Variants in MTHFD1L observed in about 807,000 individuals in gnomAD.
MTHFD1L encodes monofunctional C1-tetrahydrofolate synthase, mitochondrial.
MTHFD1L carries 81 observed loss-of-function variants against 119.5 expected under a neutral mutation model. That is an observed-to-expected ratio of 0.68 (90% CI 0.57 to 0.82). The LOEUF is 0.82. MTHFD1L is among the 40% of genes least tolerant of loss of function. MTHFD1L has a pLI of 0.00. For missense variants in MTHFD1L, 1,125 were observed against 1,253.4 expected, an observed-to-expected ratio of 0.90 and a Z score of 1.55; for synonymous variants, 430 against 475.2, an observed-to-expected ratio of 0.90 and a Z score of 1.24.
intron 20 of MTHFD1L, among the ~76,000 whole-genome samples, chr6:150,991,397 T>G (rs1249855012): frequency 6.6e-6 from 1 of 152,176 alleles, no homozygotes; most frequent in African/African-American, 2.4e-5. Flanking sequence ...TATCTCCAAT[T>G]TGTATGAGAT....
intron 7 of MTHFD1L, among the ~76,000 whole-genome samples, chr6:150,900,330 TCG>T (rs1460787760): frequency 4.6e-5 from 7 of 152,142 alleles, no homozygotes; most frequent in Non-Finnish European, 1.0e-4. Context: ...TTCCTGCCCT[TCG>T]TAGCTCCTGA....
chr6:151,075,639 C>G (rs1035668597), intron 26 of MTHFD1L, among the ~76,000 whole-genome samples: 3 of 152,176 alleles, frequency 2.0e-5, no homozygotes, highest in African/African-American at 7.2e-5. Flanking sequence ...CTTGACTCCA[C>G]CCAACAACAG....
At chr6:150,910,334 C>T (rs1475445438) in intron 8 of MTHFD1L, among the ~76,000 whole-genome samples, 1 of 151,996 alleles carries the variant, frequency 6.6e-6, no homozygotes, top group Non-Finnish European at 1.5e-5. Flanking sequence ...GAGGCTGAGG[C>T]AGGCGGATCA....
chr6:150,929,978 G>A (rs1790741566), intron 11 of MTHFD1L, among the ~76,000 whole-genome samples: 1 of 152,148 alleles, frequency 6.6e-6, no homozygotes. Flanking sequence ...TTCTATAAGG[G>A]AAGAATGAAC....
At chr6:150,985,033 C>T (rs1778071463) in intron 20 of MTHFD1L, 1 of 152,146 alleles carries the variant, frequency 6.6e-6, no homozygotes. Context: ...CAATACCTAC[C>T]TCCAGGCTTG....
At chr6:150,880,780 G>GATA (rs1781281484) in intron 4 of MTHFD1L, among the ~76,000 whole-genome samples, 1 of 152,076 alleles carries the variant, frequency 6.6e-6, no homozygotes, top group Non-Finnish European at 1.5e-5. Flanking sequence ...TGTCATTTTT[G>GATA]ATAATAGCCA....
intron 26 of MTHFD1L, among the ~76,000 whole-genome samples, chr6:151,041,337 C>A (rs1051531658): frequency 2.0e-5 from 3 of 152,180 alleles, no homozygotes; most frequent in Non-Finnish European, 4.4e-5. Context: ...ATGCCTTGAA[C>A]ATTCATCACC....
At chr6:151,019,945 C>G (rs187083959) in intron 24 of MTHFD1L, among the ~76,000 whole-genome samples, 1 of 152,270 alleles carries the variant, frequency 6.6e-6, no homozygotes, top group East Asian at 1.9e-4. Context: ...CTTTTTACCT[C>G]CCCTACAACC....
Position 150,945,527 on chromosome 6 carries a change from C to T in MTHFD1L, c.1609C>T (p.Leu537Phe). The T allele has an allele frequency of 6.2e-7, 1 of 1,613,970 alleles. No individual in the cohort carries two copies. Among genetic ancestry groups the T allele is most frequent in the Non-Finnish European group, 8.5e-7 (1 of 1,179,926 alleles). The change falls in exon 15 of 28, where the codon CTT becomes TTT. Residue 537 changes from leucine (L) to phenylalanine (F), a missense_variant. Around this residue, in one of 3 missense-constraint regions of MTHFD1L, gnomAD observed 1,058 missense variants for 1,151.2 expected, o/e 0.92. Coordinates refer to ENST00000367321, the MANE Select transcript of MTHFD1L (RefSeq NM_015440.5). ...TGTCAGAGAATTTTCAGAAATTCAG[C>T]TTGCTCGGCTAAAAGTAAGTTTCCA... is the stretch of plus-strand genomic sequence containing the variant. ...NGVREFSEIQ[L>F]ARLKKLGINK...
chr6:150,869,143 AG>A (rs1778963469), intron 1 of MTHFD1L, among the ~76,000 whole-genome samples: 2 of 152,190 alleles, frequency 1.3e-5, no homozygotes, highest in Admixed American at 1.3e-4. Flanking sequence ...ATGGCAGTAT[AG>A]GGTAACCATA....
At position 150,960,523 on chromosome 6, in the gene MTHFD1L, GAAA is replaced by G. The variant is rs946775670; in HGVS notation, c.1944+111_1944+113del. 3 of 1,405,646 alleles carry G rather than the reference GAAA, an allele frequency of 2.1e-6. No homozygotes were observed. The African/African-American group carries it at 4.4e-5, about 20-fold the overall frequency. The allele number at this position is 1,405,646 out of a possible 1,614,324, so 87.1% of individuals were successfully genotyped here. A position where few individuals can be genotyped will look rare whatever the true frequency, so the allele number is the denominator to read the frequency against. ...TATCAGTGAGTGTAATGAGGATACA[GAAA>G]AAGTTTCCACACACACATTTCTTCC... On this transcript the variant is annotated intron_variant, in intron 18 of 27. Coordinates refer to ENST00000367321, the MANE Select transcript of MTHFD1L (RefSeq NM_015440.5).
chr6:150,903,354 G>T (rs175867), intron 7 of MTHFD1L, among the ~76,000 whole-genome samples: 6,475 of 151,708 alleles, frequency 0.043, 149 homozygotes, highest in Middle Eastern at 0.082. Flanking sequence ...TCTTAGTGAG[G>T]TTTAGTGGTA....
At chr6:150,971,080 G>C (rs758487671) in intron 19 of MTHFD1L, among the ~76,000 whole-genome samples, 2 of 152,214 alleles carry the variant, frequency 1.3e-5, no homozygotes, top group Non-Finnish European at 2.9e-5. Context: ...GAGTAGAATA[G>C]TGGTTATCAG....
intron 18 of MTHFD1L, among the ~76,000 whole-genome samples, chr6:150,964,052 C>T (rs1020309821): frequency 6.6e-6 from 1 of 152,098 alleles, no homozygotes; most frequent in African/African-American, 2.4e-5. Context: ...GCCTGTAGTC[C>T]CAGCTACTGG....
Position 151,017,636 on chromosome 6 carries a change from C to T in MTHFD1L, c.2586+1943C>T, listed in dbSNP as rs369955147. On this transcript the variant is annotated intron_variant, in intron 24 of 27. Transcript: ENST00000367321. ...CTGGGATTACAGGTGTGAGCCACCG[C>T]GCCCGGCCAGAATTTCCTTTATTTT... 4.6e-5 allele frequency among the ~76,000 whole-genome samples: 7 copies of T among 152,208 alleles called. No homozygotes were observed. The East Asian group carries it at 5.8e-4, about 13-fold the overall frequency.
rs1205398128 is a variant in MTHFD1L, at chr6:151,009,940, G to A, written c.2247G>A (p.Met749Ile). The change falls in exon 21 of 28, where the codon ATG becomes ATA. Residue 749 changes from methionine to isoleucine, a missense_variant. By Grantham distance (10) the Met-to-Ile change is conservative (BLOSUM62 1). Around this residue, in one of 3 missense-constraint regions of MTHFD1L, gnomAD observed 1,058 missense variants for 1,151.2 expected, o/e 0.92. Coordinates refer to ENST00000367321, the MANE Select transcript of MTHFD1L (RefSeq NM_015440.5). ...TGGCAACGGTGCGAGCTCTGAAGAT[G>A]CATGGAGGCGGGCCAAGTGTAAGTG... Reference protein sequence around the residue: ...VLVATVRALKMHGGGPSVTAG... With the variant: ...VLVATVRALKIHGGGPSVTAG... The A allele has an allele frequency of 4.3e-6, 7 of 1,609,214 alleles. No homozygotes were observed. In the East Asian group the frequency reaches 1.6e-4, roughly 36 times the overall value.
At chr6:151,022,318 G>A in intron 24 of MTHFD1L, 3 of 234,366 alleles carry the variant, frequency 1.3e-5, no homozygotes, top group South Asian at 5.4e-5. Flanking sequence ...ACATGGACTT[G>A]GAGCATTTGC....
intron 27 of MTHFD1L, chr6:151,099,993 CT>C: frequency 1.3e-6 from 1 of 752,590 alleles, no homozygotes; most frequent in Non-Finnish European, 2.2e-6. Flanking sequence ...TGGCATCTTC[CT>C]TTAAAAAAAA....
At chr6:151,035,504 C>T (rs566082891) in intron 25 of MTHFD1L, among the ~76,000 whole-genome samples, 6 of 152,304 alleles carry the variant, frequency 3.9e-5, no homozygotes, top group African/African-American at 1.4e-4. Context: ...AAATAGTCAG[C>T]AACTCAGGAA....
Sources: allele counts gnomAD v4.1 joint callset (sites outside exome capture counted in the v4.1 genomes callset), GRCh38; gene constraint gnomAD v4.1.1; regional missense constraint gnomAD v4.1.1; transcripts MANE v1.5; gene names NCBI Gene and HGNC (gene_info 2026-07-23, HGNC 2026-07-21).